Variants in EPB41L1 observed in about 807,000 individuals in gnomAD.
The protein encoded by EPB41L1 is band 4.1-like protein 1.
EPB41L1 carries 29 observed loss-of-function variants against 97.8 expected under a neutral mutation model. The observed-to-expected ratio is 0.30, with a 90% confidence interval of 0.22 to 0.40. The LOEUF (loss-of-function observed/expected upper bound fraction) is 0.40. EPB41L1 is among the 10% of genes least tolerant of loss of function. The probability of loss-of-function intolerance (pLI) is 1.00; values close to 1 mark genes in which losing one functional copy is unlikely to be tolerated. For missense variants in EPB41L1, 812 were observed against 1,162.3 expected (o/e 0.70, Z 4.38); for synonymous variants, 383 against 459.2 (o/e 0.83, Z 2.12).
chr20:36,147,368 C>G (rs2059880451), intron 2 of EPB41L1, among the ~76,000 whole-genome samples: 1 of 152,136 alleles, frequency 6.6e-6, no homozygotes, highest in African/African-American at 2.4e-5. Context: ...GTAACTACCC[C>G]CCAGACATGA....
At chr20:36,154,410 T>G (rs1214137558), upstream of EPB41L1, among the ~76,000 whole-genome samples, 1 of 150,900 alleles carries the variant, frequency 6.6e-6, no homozygotes, top group Non-Finnish European at 1.5e-5. This position sits in a 1 kb window ranked among gnomAD's most constrained non-coding sequence, Gnocchi z 5.5. Context: ...GCCGGGGCGC[T>G]CGAGAGGCCC....
chr20:36,169,481 C>T (rs1281765035), intron 1 of EPB41L1, among the ~76,000 whole-genome samples: 2 of 136,846 alleles, frequency 1.5e-5, no homozygotes, highest in East Asian at 4.0e-4. Context: ...TTCTCCTGCA[C>T]AGTGATGCTT....
chr20:36,105,547 T>C (rs1295381526), intron 1 of EPB41L1, among the ~76,000 whole-genome samples: 1 of 152,214 alleles, frequency 6.6e-6, no homozygotes, highest in Middle Eastern at 3.2e-3. Context: ...GCACCTATTA[T>C]GTGCCAGGCA....
At position 36,197,959 on chromosome 20, in the gene EPB41L1, A is replaced by G; in HGVS notation, c.1586A>G (p.Asp529Gly). Reference sequence around the variant, plus strand: ...CCCAACAGCAAACTCATCCACCGGGATCGAGACTGGGAACGGGAGCGCAGG... The same window carrying G: ...CCCAACAGCAAACTCATCCACCGGGGTCGAGACTGGGAACGGGAGCGCAGG... Reference protein sequence around the residue: ...KEPNSKLIHRDRDWERERRLP... With the variant: ...KEPNSKLIHRGRDWERERRLP... The change falls in exon 14 of 22, where the codon GAT (aspartate) becomes GGT (glycine). Residue 529 changes from aspartate (D) to glycine (G), a missense_variant. Asp to Gly is a moderately conservative substitution (Grantham distance 94, BLOSUM62 -1). Around this residue, in one of 3 missense-constraint regions of EPB41L1, gnomAD observed 498 missense variants for 622.7 expected, o/e 0.80. Coordinates refer to ENST00000338074, the MANE Select transcript of EPB41L1 (RefSeq NM_012156.2). The G allele has an allele frequency of 6.2e-7, 1 of 1,614,106 alleles. No individual in the cohort carries two copies. The highest frequency in any genetic ancestry group is 8.5e-7 in the Non-Finnish European group (1 of 1,180,024).
chr20:36,173,144 G>A (rs557966195), intron 1 of EPB41L1, among the ~76,000 whole-genome samples: 3 of 152,332 alleles, frequency 2.0e-5, no homozygotes, highest in East Asian at 3.9e-4. Context: ...TGGCCAACTC[G>A]GGGACTGAGC....
At position 36,186,557 on chromosome 20, in the gene EPB41L1, C is replaced by T. The variant is rs1343938634; in HGVS notation, c.786-1119C>T. On this transcript the variant is annotated intron_variant, in intron 7 of 21. Transcript: ENST00000338074. The stretch of plus-strand genomic sequence containing the variant: ...CACACTAACTCCACTTGGTTAATAG[C>T]GACTGCTGTGGTGTTGTGTTGAGTA... Among the ~76,000 whole-genome samples the T allele has an allele frequency of 4.6e-5, 7 of 152,168 alleles. No individual in the cohort carries two copies. In the East Asian group the frequency reaches 9.7e-4, roughly 21 times the overall value.
At chr20:36,157,081 G>A (rs577534256) in intron 1 of EPB41L1, among the ~76,000 whole-genome samples, 324 of 152,228 alleles carry the variant, frequency 2.1e-3, no homozygotes, top group Non-Finnish European at 3.7e-3. Flanking sequence ...AAAATTAGCT[G>A]GGCGTGGTAG....
chr20:36,219,985 C>T (rs1475053712), intron 19 of EPB41L1, 141 bp downstream of exon 19: 5 of 820,802 alleles, frequency 6.1e-6, no homozygotes, highest in Non-Finnish European at 1.0e-5. Context: ...ATACTGTGCG[C>T]TTTGTCCTGT....
intron 2 of EPB41L1, among the ~76,000 whole-genome samples, chr20:36,147,216 C>G (rs1224815336): frequency 1.3e-5 from 2 of 152,144 alleles, no homozygotes; most frequent in African/African-American, 2.4e-5. Flanking sequence ...GCTTTAGACT[C>G]TAATCCTAAG....
rs193179017 is a variant in EPB41L1 at position 36,141,850 on chromosome 20, A to G, written c.-10+29370A>G. 1.8e-3 allele frequency among the ~76,000 whole-genome samples: 273 copies of G among 152,306 alleles called. 1 individual carries two copies. The highest frequency in any genetic ancestry group is 3.0e-3 in the Non-Finnish European group (207 of 68,028). Reference sequence around the variant, plus strand: ...GGGCCAGGCACGGTGGCTCACGCCTATAATCCCAGCACTTTGGGAGGCTGA... The same window carrying G: ...GGGCCAGGCACGGTGGCTCACGCCTGTAATCCCAGCACTTTGGGAGGCTGA... On this transcript the variant is annotated intron_variant, in intron 2 of 19. Transcript: ENST00000202028.
At chr20:36,118,040 G>A (rs2058640348) in intron 2 of EPB41L1, among the ~76,000 whole-genome samples, 1 of 152,214 alleles carries the variant, frequency 6.6e-6, no homozygotes, top group African/African-American at 2.4e-5. Context: ...GGATGAATGG[G>A]TTTCAGCCTG....
At chr20:36,220,182 G>A (rs1391446733) in intron 19 of EPB41L1, among the ~76,000 whole-genome samples, 1 of 152,266 alleles carries the variant, frequency 6.6e-6, no homozygotes, top group Non-Finnish European at 1.5e-5. Context: ...GCATCTCCTG[G>A]AAGAAGTAGG....
intron 2 of EPB41L1, among the ~76,000 whole-genome samples, chr20:36,126,942 T>C (rs1368614216): frequency 6.6e-6 from 1 of 152,340 alleles, no homozygotes; most frequent in East Asian, 1.9e-4. Flanking sequence ...GCTACAGGCT[T>C]TCCCATGGCA....
intron 11 of EPB41L1, among the ~76,000 whole-genome samples, chr20:36,193,839 A>G (rs191372481): frequency 1.8e-4 from 27 of 152,308 alleles, no homozygotes; most frequent in Middle Eastern, 6.8e-3. Flanking sequence ...CTCTTCCATA[A>G]ATATTTATAT....
intron 2 of EPB41L1, among the ~76,000 whole-genome samples, chr20:36,131,718 G>A (rs903009326): frequency 2.0e-5 from 3 of 152,180 alleles, no homozygotes; most frequent in Non-Finnish European, 2.9e-5. Flanking sequence ...CTAGAGAGAG[G>A]AAGGGGCTGA....
chr20:36,213,396 AAG>A (rs752035797), intron 16 of EPB41L1, among the ~76,000 whole-genome samples: 3 of 152,182 alleles, frequency 2.0e-5, no homozygotes, highest in African/African-American at 4.8e-5. Flanking sequence ...CAGGGAAAAA[AAG>A]AGAGAGAAAG....
At chr20:36,133,362 T>G (rs1041598147) in intron 2 of EPB41L1, among the ~76,000 whole-genome samples, 1 of 152,244 alleles carries the variant, frequency 6.6e-6, no homozygotes, top group African/African-American at 2.4e-5. Flanking sequence ...TGGGTTCTAG[T>G]TCACCCCTCT....
intron 1 of EPB41L1, among the ~76,000 whole-genome samples, chr20:36,168,701 G>A (rs1569187870): frequency 2.0e-5 from 3 of 151,678 alleles, no homozygotes; most frequent in Non-Finnish European, 4.4e-5. Flanking sequence ...TTACAGGCAC[G>A]TGCCACCACG....
chr20:36,108,647 C>A (rs1473306208), intron 1 of EPB41L1, among the ~76,000 whole-genome samples: 1 of 152,116 alleles, frequency 6.6e-6, no homozygotes, highest in Non-Finnish European at 1.5e-5. Context: ...GCACTCCAGC[C>A]TGGGTGAGAG....
Sources: allele counts gnomAD v4.1 joint callset (sites outside exome capture counted in the v4.1 genomes callset), GRCh38; gene constraint gnomAD v4.1.1; regional missense constraint gnomAD v4.1.1; non-coding constraint Gnocchi (gnomAD v3.1); transcripts MANE v1.5; gene names NCBI Gene and HGNC (gene_info 2026-07-23, HGNC 2026-07-21).